The following PLAA variants were observed in gnomAD, a reference collection of about 807,000 sequenced individuals.
The protein encoded by PLAA is phospholipase A2 activating protein, also known as phospholipase A-2-activating protein.
In PLAA, 48 loss-of-function variants were observed where a neutral mutation model predicts 84.1. The observed-to-expected ratio is 0.57, with a 90% CI of 0.45 to 0.73. PLAA has a LOEUF of 0.73. Ranked by LOEUF, PLAA falls within the 30% of genes least tolerant of loss-of-function variation. PLAA has a pLI of 0.00. For missense variants in PLAA, 903 were observed against 954.7 expected, an observed-to-expected ratio of 0.95 and a Z score of 0.71; for synonymous variants, 392 against 336.6, an observed-to-expected ratio of 1.16 and a Z score of -1.80.
chr9:26,919,196 G>T, intron 9 of PLAA, 114 bp downstream of exon 9: 1 of 590,936 alleles, frequency 1.7e-6, no homozygotes, highest in Non-Finnish European at 3.0e-6. Flanking sequence ...GTAAAACCCT[G>T]CTGTAGATAT....
chr9:26,932,853 G>C (rs1046490466), intron 2 of PLAA, among the ~76,000 whole-genome samples: 3 of 152,150 alleles, frequency 2.0e-5, no homozygotes, highest in African/African-American at 7.2e-5. Flanking sequence ...TTCTGTTTTT[G>C]GTCGGGCACA....
rs377399332 is a variant in PLAA at position 26,919,388 on chromosome 9, C to T, written c.1339G>A (p.Val447Ile). 3 of 1,613,154 alleles carry T rather than the reference C, an allele frequency of 1.9e-6. No homozygotes were observed. Among genetic ancestry groups the T allele is most frequent in the East Asian group, 2.2e-5 (1 of 44,788 alleles). Residue 447 changes from valine (V) to isoleucine (I), a missense_variant, in exon 9 of 14, where the codon GTA (valine) becomes ATA (isoleucine). Coordinates refer to ENST00000397292, the MANE Select transcript of PLAA (RefSeq NM_001031689.3). ...NDLNPMFLDQVAKFIIDNTKG... is the reference protein window; with the variant it reads ...NDLNPMFLDQIAKFIIDNTKG... ...GTGTTATCAATAATAAATTTAGCTA[C>T]TTGATCCAGAAACATAGGATTCAAA...
At chr9:26,913,572 T>C (rs536434366) in intron 11 of PLAA, among the ~76,000 whole-genome samples, 9 of 152,158 alleles carry the variant, frequency 5.9e-5, no homozygotes, top group Non-Finnish European at 1.2e-4. Flanking sequence ...CCTAGATGCA[T>C]ATTAGAATCA....
chr9:26,929,113 T>C (rs962128203), intron 2 of PLAA, among the ~76,000 whole-genome samples: 11 of 152,134 alleles, frequency 7.2e-5, no homozygotes, highest in African/African-American at 2.4e-4. Context: ...GTGGGAGGAT[T>C]GCTTGAGCCC....
intron 11 of PLAA, among the ~76,000 whole-genome samples, chr9:26,911,218 T>C (rs1824388890): frequency 6.6e-6 from 1 of 152,152 alleles, no homozygotes; most frequent in Non-Finnish European, 1.5e-5. Context: ...AGTGGCGTAA[T>C]CTCGGCTCAC....
chr9:26,935,564 C>T (rs1050588713), intron 1 of PLAA, among the ~76,000 whole-genome samples: 1 of 152,102 alleles, frequency 6.6e-6, no homozygotes, highest in Non-Finnish European at 1.5e-5. Flanking sequence ...ACGAAACATA[C>T]ATGCAATTAA....
Position 26,928,371 on chromosome 9 carries a change from A to C in PLAA, c.381T>G (p.Leu127=), listed in dbSNP as rs772976927. 6.2e-7 allele frequency: 1 copy of C among 1,613,786 alleles called. No homozygotes were observed. Among genetic ancestry groups the C allele is most frequent in the South Asian group, 1.1e-5 (1 of 91,074 alleles). ...SLSSGKFGTL[L]SGSWDTTAKV... ...TAGCAGTGGTGTCCCATGAACCACTAAGTAATGTCCCAAATTTTCCAGATG... is the reference window on the plus strand; with the variant it reads ...TAGCAGTGGTGTCCCATGAACCACTCAGTAATGTCCCAAATTTTCCAGATG... Residue 127 remains leucine, a synonymous_variant, in exon 3 of 14, where the codon CTT becomes CTG. Coordinates refer to ENST00000397292, the MANE Select transcript of PLAA (RefSeq NM_001031689.3).
chr9:26,943,622 A>G (rs746960211), intron 1 of PLAA, among the ~76,000 whole-genome samples: 1 of 152,178 alleles, frequency 6.6e-6, no homozygotes, highest in African/African-American at 2.4e-5. Flanking sequence ...CTTCACTCCA[A>G]ACATTTATAG....
At chr9:26,920,448 T>C (rs1824725153) in intron 7 of PLAA, 64 bp from the exon 8 acceptor site, 6 of 1,066,852 alleles carry the variant, frequency 5.6e-6, no homozygotes, top group Admixed American at 4.7e-5. Flanking sequence ...AACATTTAAA[T>C]AGAAAATTCT....
chr9:26,920,230 C>A lies in PLAA; in HGVS notation c.1194G>T (p.Gly398=). 1 of 1,612,896 alleles carries A rather than the reference C, an allele frequency of 6.2e-7. No individual in the cohort carries two copies. Among genetic ancestry groups the A allele is most frequent in the South Asian group, 1.1e-5 (1 of 90,988 alleles). ...TAGAAAGTAGAAGTCGACATACTTT[C>A]CCTTCATATAAAACTTTTCCAGATG... is the stretch of plus-strand genomic sequence containing the variant. The part of the protein sequence containing the change: ...QQTSGKVLYE[G]KEFDYVFSID... The change falls in exon 8 of 14, where the codon GGG becomes GGT. Residue 398 remains glycine (G), a synonymous_variant. Transcript: ENST00000397292.
At chr9:26,922,635 A>G (rs984761796) in intron 7 of PLAA, among the ~76,000 whole-genome samples, 1 of 151,778 alleles carries the variant, frequency 6.6e-6, no homozygotes, top group African/African-American at 2.4e-5. Context: ...AATGATTCCC[A>G]ACTCATTACA....
intron 7 of PLAA, among the ~76,000 whole-genome samples, chr9:26,921,157 G>C (rs1824745306): frequency 6.6e-6 from 1 of 152,140 alleles, no homozygotes; most frequent in Non-Finnish European, 1.5e-5. Flanking sequence ...CAGAGCCTTT[G>C]TATTAGCTGT....
At chr9:26,942,398 A>G (rs1370412120) in intron 1 of PLAA, among the ~76,000 whole-genome samples, 6 of 152,260 alleles carry the variant, frequency 3.9e-5, no homozygotes, top group African/African-American at 1.4e-4. Flanking sequence ...AAATTGTAAA[A>G]TATCCAATGT....
At chr9:26,933,146 T>A (rs1291609311) in intron 2 of PLAA, among the ~76,000 whole-genome samples, 8 of 152,110 alleles carry the variant, frequency 5.3e-5, no homozygotes. Flanking sequence ...CGCGCGCCTG[T>A]AGTCCCAGAT....
intron 7 of PLAA, among the ~76,000 whole-genome samples, chr9:26,921,686 G>C (rs1824765540): frequency 6.6e-6 from 1 of 152,148 alleles, no homozygotes; most frequent in African/African-American, 2.4e-5. Context: ...AAATCCACTG[G>C]TCTATCTTGT....
At chr9:26,932,162 G>A (rs1340596586) in intron 2 of PLAA, among the ~76,000 whole-genome samples, 1 of 152,078 alleles carries the variant, frequency 6.6e-6, no homozygotes, top group East Asian at 1.9e-4. Flanking sequence ...CAAATGAACT[G>A]TAAAAAAAGA....
At position 26,947,167 on chromosome 9, in the gene PLAA, G is replaced by A. The variant is rs1021470530; in HGVS notation, c.-122C>T. ...TGCAGGTAAGGGGCGGCCGGAGACC[G>A]GAAGAGCCCGAGAGCCGGTACGGAA... On this transcript the variant is annotated 5_prime_UTR_variant, in exon 1 of 14. Transcript: ENST00000397292. 2.6e-5 allele frequency: 31 copies of A among 1,196,914 alleles called. No homozygotes were observed. The highest frequency in any genetic ancestry group is 2.9e-4 in the Middle Eastern group (1 of 3,464). The allele number at this position is 1,196,914 out of a possible 1,614,324, so 74.1% of individuals were successfully genotyped here.
chr9:26,911,320 T>C (rs917393501), intron 11 of PLAA, among the ~76,000 whole-genome samples: 4 of 152,144 alleles, frequency 2.6e-5, no homozygotes, highest in Non-Finnish European at 5.9e-5. Context: ...GCCCGGCTAA[T>C]TTTTGTATTT....
chr9:26,907,768 A>G, intron 13 of PLAA, 66 bp downstream of exon 13: 2 of 1,322,178 alleles, frequency 1.5e-6, no homozygotes, highest in Non-Finnish European at 2.1e-6. Flanking sequence ...AATACCAGTA[A>G]TATTGATAGA....
Sources: gnomAD v4.1 joint callset for allele counts (sites outside exome capture counted in the v4.1 genomes callset) on GRCh38, gnomAD v4.1.1 for gene constraint, MANE v1.5 for transcripts, NCBI Gene and HGNC (gene_info 2026-07-23, HGNC 2026-07-21) for gene names.